The following TRIM64B variants were observed in gnomAD, a reference collection of about 807,000 sequenced individuals.
The protein encoded by TRIM64B is tripartite motif-containing protein 64B.
For synonymous variants in TRIM64B, 17 were observed against 190.3 expected (o/e 0.09, Z 7.50); for missense variants, 57 against 536.4 (o/e 0.11, Z 8.83).
At chr11:89,875,658 G>T (rs1950156040) in exon 1 of TRIM64B, 1 of 1,526,454 alleles carries the variant, frequency 6.6e-7, no homozygotes, top group Admixed American at 2.0e-5. Context: ...TGTGAGCCAT[G>T]TGCTCTGGTG....
At chr11:89,876,518 C>A (rs555592669), upstream of TRIM64B, among the ~76,000 whole-genome samples, 1 of 149,504 alleles carries the variant, frequency 6.7e-6, no homozygotes, top group African/African-American at 2.4e-5. Context: ...GTCAGGAGAT[C>A]GAGACCATCC....
exon 3 of TRIM64B, chr11:89,874,231 T>C: frequency 2.0e-6 from 3 of 1,512,092 alleles, no homozygotes; most frequent in South Asian, 2.4e-5. Flanking sequence ...AATATAGGCA[T>C]CTTTTGATAT....
At chr11:89,874,504 G>A (rs1466924177) in intron 2 of TRIM64B, among the ~76,000 whole-genome samples, 7 of 12,922 alleles carry the variant, frequency 5.4e-4, no homozygotes, top group African/African-American at 1.8e-3. Flanking sequence ...CTGTCACTGT[G>A]ATGCTTCTTC....
upstream of TRIM64B, among the ~76,000 whole-genome samples, chr11:89,876,707 G>A (rs1217588443): frequency 6.9e-6 from 1 of 145,428 alleles, no homozygotes; most frequent in Non-Finnish European, 1.5e-5. Context: ...GGGTAATGGA[G>A]TGAGACTCTG....
rs1450212177 is a variant in TRIM64B at position 89,870,623 on chromosome 11, ATG to A, written c.1346_1347del (p.Thr449MetfsTer11). 1 of 1,547,532 alleles carries A rather than the reference ATG, an allele frequency of 6.5e-7. No homozygotes were observed. The highest frequency in any genetic ancestry group is 1.4e-5 in the African/African-American group (1 of 72,634). ...TAAATCATCGTGAAACCAACTTTTC[ATG>A]TACAACCAAAGCAAAAGAAAGGCCT... On this transcript the variant is annotated frameshift_variant, in exon 6 of 6. Transcript: ENST00000329862. LOFTEE classifies it high-confidence loss of function.
At chr11:89,875,726 T>C (rs1218250416) in exon 1 of TRIM64B, 4 of 1,490,432 alleles carry the variant, frequency 2.7e-6, no homozygotes, top group Non-Finnish European at 3.6e-6. Flanking sequence ...AGCTCCTTAG[T>C]CTCCTCATGG....
At chr11:89,877,791 T>C (rs577838489), upstream of TRIM64B, among the ~76,000 whole-genome samples, 102 of 149,520 alleles carry the variant, frequency 6.8e-4, no homozygotes, top group Admixed American at 2.3e-3. Context: ...GGATGATTTT[T>C]TTGGATTTTT....
At chr11:89,877,636 T>C, upstream of TRIM64B, among the ~76,000 whole-genome samples, 1 of 149,010 alleles carries the variant, frequency 6.7e-6, no homozygotes, top group African/African-American at 2.4e-5. Context: ...GTTGCTGTTG[T>C]TGAGATGCAG....
upstream of TRIM64B, among the ~76,000 whole-genome samples, chr11:89,877,609 CTTTTTT>C (rs1280189775): frequency 5.7e-5 from 8 of 141,498 alleles, no homozygotes; most frequent in African/African-American, 1.8e-4. Context: ...TTTTCTTTTT[CTTTTTT>C]TTTTTTTTTT....
chr11:89,871,305 T>C (rs1307782938), intron 5 of TRIM64B, among the ~76,000 whole-genome samples, 191 bp from the exon 7 acceptor site: 1 of 152,222 alleles, frequency 6.6e-6, no homozygotes, highest in Non-Finnish European at 1.5e-5. Flanking sequence ...GTATTATTCC[T>C]TAAGTAATAG....
upstream of TRIM64B, among the ~76,000 whole-genome samples, chr11:89,877,210 A>G (rs1406050619): frequency 2.0e-5 from 2 of 99,502 alleles, no homozygotes; most frequent in Non-Finnish European, 4.1e-5. Flanking sequence ...AACTCCTAAA[A>G]TTATCAACCA....
chr11:89,873,071 T>C (rs776065668), intron 4 of TRIM64B, among the ~76,000 whole-genome samples, 197 bp downstream of exon 5: 32 of 152,198 alleles, frequency 2.1e-4, no homozygotes, highest in Non-Finnish European at 4.3e-4. Flanking sequence ...TGGCAAATTG[T>C]TTTTATGTAT....
chr11:89,877,456 TC>T (rs371043134), upstream of TRIM64B, among the ~76,000 whole-genome samples: 2,195 of 142,132 alleles, frequency 0.015, 4 homozygotes, highest in Non-Finnish European at 0.024. Flanking sequence ...TATTAGGTTT[TC>T]CACTCTACAC....
upstream of TRIM64B, among the ~76,000 whole-genome samples, chr11:89,877,011 T>C (rs1386062427): frequency 2.1e-5 from 3 of 144,960 alleles, no homozygotes; most frequent in African/African-American, 7.4e-5. Context: ...AAGAAGCACA[T>C]TCTGAATGTC....
chr11:89,876,676 C>T (rs377355737), upstream of TRIM64B, among the ~76,000 whole-genome samples: 1 of 148,052 alleles, frequency 6.8e-6, no homozygotes, highest in African/African-American at 2.4e-5. Context: ...GAGCCGAGAT[C>T]GCACCACTGC....
intron 1 of TRIM64B, 60 bp from the exon 3 acceptor site, chr11:89,875,133 T>C (rs1950150115): frequency 6.5e-7 from 1 of 1,532,434 alleles, no homozygotes; most frequent in Non-Finnish European, 8.8e-7. Flanking sequence ...TTCATACCCT[T>C]ATCTTAAAAA....
At chr11:89,876,743 A>G (rs79186196), upstream of TRIM64B, among the ~76,000 whole-genome samples, 281 of 147,924 alleles carry the variant, frequency 1.9e-3, 7 homozygotes, top group East Asian at 0.046. Context: ...AAAAAAAAGT[A>G]CATATTCAGT....
intron 4 of TRIM64B, among the ~76,000 whole-genome samples, chr11:89,872,629 C>G (rs1258017081): frequency 1.8e-4 from 27 of 151,932 alleles, no homozygotes; most frequent in African/African-American, 5.8e-4. Context: ...TTTCAGAGAG[C>G]AGAAAACTCA....
upstream of TRIM64B, among the ~76,000 whole-genome samples, chr11:89,877,609 C>CTTTT (rs1280189775): frequency 2.8e-5 from 4 of 141,498 alleles, no homozygotes; most frequent in African/African-American, 5.2e-5. Context: ...TTTTCTTTTT[C>CTTTT]TTTTTTTTTT....
Sources: allele counts gnomAD v4.1 joint callset (sites outside exome capture counted in the v4.1 genomes callset), GRCh38; gene constraint gnomAD v4.1.1; transcripts MANE v1.5; gene names NCBI Gene and HGNC (gene_info 2026-07-23, HGNC 2026-07-21).